FHIT: variants seen among roughly 807,000 people sequenced by gnomAD.
FHIT encodes the protein bis(5'-adenosyl)-triphosphatase.
Under a neutral mutation model 17.9 loss-of-function variants are expected in FHIT, and 19 were observed. That is an observed-to-expected ratio of 1.06 (90% CI 0.74 to 1.56). The LOEUF is 1.56. FHIT is among the 40% of genes most tolerant of loss of function. The pLI, the probability that FHIT is intolerant of heterozygous loss-of-function variation, is 0.00. For missense variants in FHIT, 248 were observed against 189.2 expected (o/e 1.31, Z -1.82); for synonymous variants, 81 against 69.7 (o/e 1.16, Z -0.81).
chr3:60,337,059 T>C (rs1165616748), intron 5 of FHIT, among the ~76,000 whole-genome samples: 2 of 152,172 alleles, frequency 1.3e-5, no homozygotes, highest in Admixed American at 1.3e-4. Flanking sequence ...CAAAATTCAT[T>C]ACTGATGAAT....
chr3:61,242,973 T>TA (rs1464784393), intron 1 of FHIT, among the ~76,000 whole-genome samples: 1 of 152,230 alleles, frequency 6.6e-6, no homozygotes. Flanking sequence ...GCATGACTCC[T>TA]AAACCATAAT....
At chr3:60,040,566 CT>C (rs1247653349) in intron 5 of FHIT, among the ~76,000 whole-genome samples, 23 of 152,322 alleles carry the variant, frequency 1.5e-4, no homozygotes, top group Middle Eastern at 3.4e-3. Context: ...CTTACCTTTT[CT>C]CTATTCCCTT....
chr3:60,322,154 G>A (rs1709461201), intron 5 of FHIT, among the ~76,000 whole-genome samples: 1 of 152,150 alleles, frequency 6.6e-6, no homozygotes. Context: ...TTTTCATTAT[G>A]CTTTTCTGGG....
intron 4 of FHIT, among the ~76,000 whole-genome samples, chr3:60,539,580 G>A (rs969666761): frequency 6.6e-6 from 1 of 152,216 alleles, no homozygotes; most frequent in Non-Finnish European, 1.5e-5. Flanking sequence ...TAAGGAAAAT[G>A]TAGCACATAT....
chr3:60,817,011 G>T, intron 4 of FHIT, among the ~76,000 whole-genome samples: 1 of 151,252 alleles, frequency 6.6e-6, no homozygotes, highest in East Asian at 1.9e-4. Flanking sequence ...CTTAATTTAG[G>T]ATTCTATTTT....
chr3:60,387,401 C>A (rs1701055490), intron 5 of FHIT, among the ~76,000 whole-genome samples: 1 of 152,172 alleles, frequency 6.6e-6, no homozygotes, highest in Non-Finnish European at 1.5e-5. Context: ...ACACTTAAAA[C>A]TTCCCGAACT....
At chr3:60,717,273 T>C (rs2041706290) in intron 4 of FHIT, among the ~76,000 whole-genome samples, 1 of 152,096 alleles carries the variant, frequency 6.6e-6, no homozygotes, top group South Asian at 2.1e-4. Context: ...ACTTGAAAAT[T>C]GGTAAGAGGT....
chr3:60,344,725 T>A (rs143166757), intron 5 of FHIT, among the ~76,000 whole-genome samples: 223 of 152,272 alleles, frequency 1.5e-3, no homozygotes, highest in African/African-American at 5.1e-3. Flanking sequence ...ATAAGTATCT[T>A]TCAAGATTTT....
chr3:60,943,240 T>A (rs1423959315), intron 3 of FHIT, among the ~76,000 whole-genome samples: 3 of 152,142 alleles, frequency 2.0e-5, no homozygotes, highest in African/African-American at 4.8e-5. Context: ...GGGTTTTCAA[T>A]ACTTCTTGGT....
intron 5 of FHIT, among the ~76,000 whole-genome samples, chr3:60,397,510 C>T (rs1163976140): frequency 6.6e-6 from 1 of 152,166 alleles, no homozygotes; most frequent in East Asian, 1.9e-4. Context: ...CATTCACTGA[C>T]TATAGGAAGT....
intron 5 of FHIT, among the ~76,000 whole-genome samples, chr3:60,408,158 T>A (rs1403289284): frequency 2.0e-5 from 3 of 152,190 alleles, no homozygotes; most frequent in Non-Finnish European, 4.4e-5. Context: ...ATAAACATTC[T>A]TTTCAAGGAA....
intron 4 of FHIT, among the ~76,000 whole-genome samples, chr3:60,646,282 T>A (rs1201372784): frequency 1.3e-5 from 2 of 151,972 alleles, no homozygotes; most frequent in Admixed American, 1.3e-4. Context: ...AAATTACTTA[T>A]ATATATATAC....
At chr3:59,762,151 G>T (rs111755780) in intron 8 of FHIT, among the ~76,000 whole-genome samples, 129 of 152,234 alleles carry the variant, frequency 8.5e-4, no homozygotes, top group African/African-American at 2.8e-3. Flanking sequence ...GGCTACACTG[G>T]ACAAAGGGAG....
At chr3:60,621,215 C>G (rs540934118) in intron 4 of FHIT, among the ~76,000 whole-genome samples, 1 of 133,098 alleles carries the variant, frequency 7.5e-6, no homozygotes, top group African/African-American at 2.9e-5. Context: ...GTGGCACTAT[C>G]TGGACACACC....
intron 5 of FHIT, among the ~76,000 whole-genome samples, chr3:60,473,467 A>G (rs1472389512): frequency 6.6e-6 from 1 of 152,142 alleles, no homozygotes; most frequent in Admixed American, 6.5e-5. Flanking sequence ...AATAAATACA[A>G]TGTGAAGAGA....
intron 3 of FHIT, among the ~76,000 whole-genome samples, chr3:60,856,035 G>C (rs782665325): frequency 6.6e-6 from 1 of 152,032 alleles, no homozygotes; most frequent in African/African-American, 2.4e-5. Flanking sequence ...TAATTATGAT[G>C]GTGTTTCAGT....
chr3:61,077,976 A>C (rs2035022001), intron 2 of FHIT, among the ~76,000 whole-genome samples: 1 of 152,142 alleles, frequency 6.6e-6, no homozygotes, highest in South Asian at 2.1e-4. Flanking sequence ...AGCCCACGGA[A>C]AACACCTCTT....
At chr3:61,137,607 C>A (rs547378699) in intron 2 of FHIT, among the ~76,000 whole-genome samples, 2 of 152,274 alleles carry the variant, frequency 1.3e-5, no homozygotes, top group South Asian at 4.1e-4. Context: ...GACCCACTGT[C>A]TTTTTTACCA....
At chr3:60,283,468 A>G (rs1186524639) in intron 5 of FHIT, among the ~76,000 whole-genome samples, 1 of 152,162 alleles carries the variant, frequency 6.6e-6, no homozygotes. Context: ...GCTTTTCAGT[A>G]TATTCAGAAA....
Sources: gnomAD v4.1 joint callset for allele counts (sites outside exome capture counted in the v4.1 genomes callset) on GRCh38, gnomAD v4.1.1 for gene constraint, MANE v1.5 for transcripts, NCBI Gene and HGNC (gene_info 2026-07-23, HGNC 2026-07-21) for gene names.